The following GRIP1 variants were observed in gnomAD, a reference collection of about 807,000 sequenced individuals.
GRIP1 encodes glutamate receptor interacting protein 1, also known as glutamate receptor-interacting protein 1.
Under a neutral mutation model 129.9 loss-of-function variants are expected in GRIP1, and 45 were observed. The observed-to-expected ratio is 0.35, with a 90% CI of 0.27 to 0.44. The LOEUF is 0.44. Among genes scored for constraint, GRIP1 ranks in the 20% least tolerant of loss-of-function variants. The pLI, the probability that GRIP1 is intolerant of heterozygous loss-of-function variation, is 1.00. For synonymous variants in GRIP1, 530 were observed against 520.8 expected, an observed-to-expected ratio of 1.02 and a Z score of -0.24; for missense variants, 1,196 against 1,396.8, an observed-to-expected ratio of 0.86 and a Z score of 2.29.
intron 1 of GRIP1, among the ~76,000 whole-genome samples, chr12:66,838,138 T>C (rs1474523422): frequency 6.8e-6 from 1 of 146,066 alleles, no homozygotes; most frequent in South Asian, 2.2e-4. Context: ...TGAGCCGAGA[T>C]CAGGCCACTG....
intron 1 of GRIP1, among the ~76,000 whole-genome samples, chr12:66,934,472 G>T (rs890720065): frequency 6.6e-6 from 1 of 152,132 alleles, no homozygotes; most frequent in Non-Finnish European, 1.5e-5. Context: ...TCATTTAGCT[G>T]CAGATCTGAA....
At chr12:66,796,314 A>T (rs2038696673) in intron 1 of GRIP1, among the ~76,000 whole-genome samples, 1 of 147,508 alleles carries the variant, frequency 6.8e-6, no homozygotes, top group Non-Finnish European at 1.5e-5. Flanking sequence ...CTAGGAAAAA[A>T]TGGATTCGGA....
chr12:66,646,798 G>A (rs1046186713), intron 1 of GRIP1, among the ~76,000 whole-genome samples: 1 of 152,128 alleles, frequency 6.6e-6, no homozygotes, highest in Non-Finnish European at 1.5e-5. Context: ...AATAGTGATG[G>A]CAAATAGAGA....
At chr12:66,723,742 G>C (rs748762058) in intron 1 of GRIP1, among the ~76,000 whole-genome samples, 4 of 152,156 alleles carry the variant, frequency 2.6e-5, no homozygotes, top group Admixed American at 1.3e-4. Flanking sequence ...AGTATGAGAT[G>C]CTTCATGCCA....
At position 66,348,430 on chromosome 12, in the gene GRIP1, G is replaced by A. The variant is rs2054075891; in HGVS notation, c.*589C>T. On this transcript the variant is annotated 3_prime_UTR_variant, in exon 25 of 25. Coordinates refer to ENST00000359742, the MANE Select transcript of GRIP1 (RefSeq NM_001366722.1). The stretch of plus-strand genomic sequence containing the variant: ...CTTAGTTAAAATCATTCCTATACGT[G>A]GGCAAAACATTTACCACCACCTATT... 1 of 155,740 alleles carries A rather than the reference G, an allele frequency of 6.4e-6. No individual in the cohort carries two copies. Among genetic ancestry groups the A allele is most frequent in the Non-Finnish European group, 1.4e-5 (1 of 70,268 alleles). The allele number at this position is 155,740 out of a possible 1,614,324, so 9.6% of individuals were successfully genotyped here.
chr12:66,781,984 A>G (rs754773058), intron 1 of GRIP1, among the ~76,000 whole-genome samples: 2 of 152,218 alleles, frequency 1.3e-5, no homozygotes, highest in Non-Finnish European at 2.9e-5. Flanking sequence ...AAACTTCAAA[A>G]ACATGCAAAA....
At chr12:66,478,681 T>G (rs1337545731) in intron 7 of GRIP1, among the ~76,000 whole-genome samples, 1 of 148,126 alleles carries the variant, frequency 6.8e-6, no homozygotes, top group African/African-American at 2.5e-5. Flanking sequence ...ATATACACCA[T>G]GGAATACTAT....
chr12:66,851,789 C>T (rs2039916961), intron 1 of GRIP1, among the ~76,000 whole-genome samples: 1 of 152,054 alleles, frequency 6.6e-6, no homozygotes, highest in Non-Finnish European at 1.5e-5. Flanking sequence ...TTTCTTCATT[C>T]TCTGAATTTT....
At chr12:66,761,880 C>T (rs766966792) in intron 1 of GRIP1, among the ~76,000 whole-genome samples, 4 of 152,160 alleles carry the variant, frequency 2.6e-5, no homozygotes, top group African/African-American at 7.2e-5. Context: ...CAAGGAAAAG[C>T]ATGGATTCTG....
chr12:66,600,021 T>C (rs2064210475), intron 1 of GRIP1, among the ~76,000 whole-genome samples: 1 of 152,188 alleles, frequency 6.6e-6, no homozygotes, highest in Non-Finnish European at 1.5e-5. Flanking sequence ...AGAGACCTTG[T>C]ATGGTGTAAG....
chr12:66,653,937 A>C (rs2032975739), intron 1 of GRIP1, among the ~76,000 whole-genome samples: 1 of 152,156 alleles, frequency 6.6e-6, no homozygotes, highest in Admixed American at 6.5e-5. Context: ...ACAGCCTCAG[A>C]GAACAGAGAC....
chr12:66,933,044 T>G (rs2041425751), intron 1 of GRIP1, among the ~76,000 whole-genome samples: 2 of 152,244 alleles, frequency 1.3e-5, no homozygotes, highest in Admixed American at 6.5e-5. Flanking sequence ...TCCATTTTAT[T>G]AACAATCTTT....
At position 66,446,010 on chromosome 12, in the gene GRIP1, C is replaced by T. The variant is rs559074760; in HGVS notation, c.1355-502G>A. Among the ~76,000 whole-genome samples the T allele has an allele frequency of 6.8e-4, 103 of 152,164 alleles. 1 individual carries two copies. The highest frequency in any genetic ancestry group is 1.7e-3 in the African/African-American group (70 of 41,508). ...TAATTAAACTAAATCTGGCCCCTGG[C>T]GTGGTGAGGCTGTGCTGGTCCTCAA... On this transcript the variant is annotated intron_variant, in intron 11 of 24. Transcript: ENST00000359742.
chr12:66,746,657 A>T (rs532774185), intron 1 of GRIP1, among the ~76,000 whole-genome samples: 1 of 152,292 alleles, frequency 6.6e-6, no homozygotes, highest in East Asian at 1.9e-4. Flanking sequence ...TACCTGCATT[A>T]CCCACAGGGT....
At chr12:67,021,476 G>A (rs144085851) in intron 1 of GRIP1, among the ~76,000 whole-genome samples, 76 of 152,204 alleles carry the variant, frequency 5.0e-4, no homozygotes, top group African/African-American at 1.8e-3. Flanking sequence ...TTACTGAGTA[G>A]TGTTTGTTGT....
intron 1 of GRIP1, chr12:66,630,419 C>T (rs991119475): frequency 1.3e-5 from 2 of 151,960 alleles, no homozygotes; most frequent in Non-Finnish European, 2.9e-5. Flanking sequence ...ACTTTTTCCT[C>T]TGGTCTCTTC....
Position 66,406,350 on chromosome 12 carries a change from T to C in GRIP1, c.1917A>G (p.Ala639=), listed in dbSNP as rs1354965117. 6.2e-7 allele frequency: 1 copy of C among 1,613,888 alleles called. No individual in the cohort carries two copies. Among genetic ancestry groups the C allele is most frequent in the South Asian group, 1.1e-5 (1 of 91,080 alleles). The change falls in exon 16 of 25, where the codon GCA becomes GCG. Residue 639 remains alanine (A), a synonymous_variant. Coordinates refer to ENST00000359742, the MANE Select transcript of GRIP1 (RefSeq NM_001366722.1). ...IRLDNCSMED[A]VQILQQCEDL... ...CTTCACATTGCTGGAGGATCTGAACTGCATCTTCCATGGAACAGTTGTCCA... is the reference window on the plus strand; with the variant it reads ...CTTCACATTGCTGGAGGATCTGAACCGCATCTTCCATGGAACAGTTGTCCA...
At chr12:66,473,280 C>T (rs1343975135) in intron 7 of GRIP1, among the ~76,000 whole-genome samples, 1 of 152,198 alleles carries the variant, frequency 6.6e-6, no homozygotes, top group Non-Finnish European at 1.5e-5. Flanking sequence ...TCTCTAGATT[C>T]CTCCTCTCTG....
At chr12:66,488,526 A>C (rs773558535) in intron 7 of GRIP1, among the ~76,000 whole-genome samples, 15 of 152,202 alleles carry the variant, frequency 9.9e-5, no homozygotes, top group Non-Finnish European at 1.9e-4. Context: ...AAACCTAGCA[A>C]GATCTCAAGT....
Sources: allele counts gnomAD v4.1 joint callset (sites outside exome capture counted in the v4.1 genomes callset), GRCh38; gene constraint gnomAD v4.1.1; transcripts MANE v1.5; gene names NCBI Gene and HGNC (gene_info 2026-07-23, HGNC 2026-07-21).